The following TMEM45A variants were observed in gnomAD, a reference collection of about 807,000 sequenced individuals.
TMEM45A encodes the protein DNA polymerase-transactivated protein 4.
A neutral mutation model predicts 32.0 loss-of-function variants in TMEM45A; 25 were observed. The ratio of observed to expected loss-of-function variants is 0.78; its 90% CI spans 0.57 to 1.09. The LOEUF is 1.09. TMEM45A is among the 50% of genes least tolerant of loss of function. The pLI, the probability that TMEM45A is intolerant of heterozygous loss-of-function variation, is 0.00. For synonymous variants in TMEM45A, 122 were observed against 114.8 expected, an observed-to-expected ratio of 1.06 and a Z score of -0.40; for missense variants, 302 against 325.0, an observed-to-expected ratio of 0.93 and a Z score of 0.54.
At chr3:100,569,357 C>A (rs1443981684) in intron 5 of TMEM45A, among the ~76,000 whole-genome samples, 1 of 152,170 alleles carries the variant, frequency 6.6e-6, no homozygotes, top group Non-Finnish European at 1.5e-5. Context: ...AGCTTCGAGT[C>A]CTTTTTTGAC....
chr3:100,545,979 C>G (rs148489496), intron 1 of TMEM45A, among the ~76,000 whole-genome samples: 1,536 of 152,272 alleles, frequency 0.01, 25 homozygotes, highest in African/African-American at 0.036. Context: ...CTGGTGGACT[C>G]AGTCTAATCA....
chr3:100,572,765 A>C (rs1377956554), intron 5 of TMEM45A: 1 of 150,788 alleles, frequency 6.6e-6, no homozygotes, highest in African/African-American at 2.4e-5. Flanking sequence ...TCCATCTTGA[A>C]TTAATTTTTG....
rs538724332 is a variant in TMEM45A at position 100,564,509 on chromosome 3, T to C, written c.589-4313T>C. Among the ~76,000 whole-genome samples, 9 of 150,964 alleles carry C rather than the reference T, an allele frequency of 6.0e-5. No individual in the cohort carries two copies. The South Asian group carries it at 1.9e-3, about 32-fold the overall frequency. On this transcript the variant is annotated intron_variant, in intron 4 of 5. Transcript: ENST00000323523. ...TTTTTCCTTTGAGACAGAGTCTCAC[T>C]CTGTGGCCCAGGCTGTGGGCCAGGA...
chr3:100,520,798 C>G (rs1464046089), intron 1 of TMEM45A, among the ~76,000 whole-genome samples: 5 of 152,178 alleles, frequency 3.3e-5, no homozygotes, highest in Admixed American at 1.3e-4. Context: ...AGGAGAGTGT[C>G]TCATCACCAA....
intron 1 of TMEM45A, among the ~76,000 whole-genome samples, chr3:100,531,816 G>A (rs768393751): frequency 5.9e-5 from 9 of 152,174 alleles, no homozygotes; most frequent in East Asian, 1.9e-4. Context: ...TGATGCTGGC[G>A]ATTTATTTTA....
At chr3:100,502,465 G>A (rs553404376) in intron 1 of TMEM45A, among the ~76,000 whole-genome samples, 3 of 152,118 alleles carry the variant, frequency 2.0e-5, no homozygotes, top group African/African-American at 7.2e-5. Context: ...TGTATCTATC[G>A]ATCTATCAAT....
chr3:100,540,991 GTTTATTTGAC>G (rs1023590881), intron 1 of TMEM45A, among the ~76,000 whole-genome samples: 1 of 152,124 alleles, frequency 6.6e-6, no homozygotes, highest in Admixed American at 6.5e-5. Context: ...AGCATCTGTT[GTTTATTTGAC>G]TTTAATAATA....
intron 1 of TMEM45A, among the ~76,000 whole-genome samples, chr3:100,529,859 C>T (rs1467066636): frequency 6.6e-6 from 1 of 152,062 alleles, no homozygotes; most frequent in Non-Finnish European, 1.5e-5. Flanking sequence ...CTCAAGTGAT[C>T]CACATGCCTC....
chr3:100,500,242 A>C (rs59771628), intron 1 of TMEM45A, among the ~76,000 whole-genome samples: 65,562 of 151,982 alleles, frequency 0.43, 14,416 homozygotes, highest in Middle Eastern at 0.47. Context: ...TGCATTGTTC[A>C]GACCTTGTTT....
chr3:100,558,301 A>G, intron 3 of TMEM45A, 104 bp from the exon 4 acceptor site: 1 of 1,403,204 alleles, frequency 7.1e-7, no homozygotes, highest in Non-Finnish European at 9.8e-7. Context: ...CTTTTGGACA[A>G]ATGTGTGTAT....
intron 5 of TMEM45A, among the ~76,000 whole-genome samples, chr3:100,575,579 C>A (rs1706667456): frequency 6.6e-6 from 1 of 152,048 alleles, no homozygotes; most frequent in Admixed American, 6.5e-5. Flanking sequence ...GCCATGTTGG[C>A]CAGTCTGGTC....
chr3:100,518,383 G>T lies in TMEM45A; in HGVS notation c.-4+25455G>T, dbSNP rs144496861. 5.1e-3 allele frequency among the ~76,000 whole-genome samples: 771 copies of T among 152,274 alleles called. 9 individuals are homozygous for T. Among genetic ancestry groups the T allele is most frequent in the African/African-American group, 0.018 (739 of 41,560 alleles). On this transcript the variant is annotated intron_variant, in intron 1 of 5. Coordinates refer to ENST00000323523, the MANE Select transcript of TMEM45A (RefSeq NM_018004.3). ...TTTAATCTCCTTTAACAGAAGGTTT[G>T]CAGAGGTCTCTTTTCTTCTTCTAGT...
chr3:100,500,681 A>G (rs1353354790), intron 1 of TMEM45A, among the ~76,000 whole-genome samples: 1 of 152,218 alleles, frequency 6.6e-6, no homozygotes, highest in Non-Finnish European at 1.5e-5. Context: ...CTCTGGTGCC[A>G]TCAACAATCT....
intron 5 of TMEM45A, among the ~76,000 whole-genome samples, chr3:100,569,204 C>T (rs1047978409): frequency 6.6e-6 from 1 of 152,192 alleles, no homozygotes; most frequent in African/African-American, 2.4e-5. Flanking sequence ...TCACATTTCC[C>T]TTCATCACAC....
At chr3:100,514,651 G>C (rs897521684) in intron 1 of TMEM45A, among the ~76,000 whole-genome samples, 31 of 152,206 alleles carry the variant, frequency 2.0e-4, no homozygotes, top group African/African-American at 5.1e-4. Context: ...TAAAGAGCTT[G>C]TGCACAGCAA....
intron 2 of TMEM45A, among the ~76,000 whole-genome samples, chr3:100,556,512 T>C (rs904497876): frequency 8.5e-5 from 13 of 152,368 alleles, no homozygotes; most frequent in Middle Eastern, 3.4e-3. Context: ...ATCATTGGCA[T>C]TGAAGATCTG....
At chr3:100,498,338 T>A (rs2148923957) in intron 1 of TMEM45A, among the ~76,000 whole-genome samples, 1 of 152,314 alleles carries the variant, frequency 6.6e-6, no homozygotes, top group Non-Finnish European at 1.5e-5. Flanking sequence ...ATCAGTAGAC[T>A]TTGAGTATGG....
Position 100,513,239 on chromosome 3 carries a change from A to T in TMEM45A, c.-4+20311A>T, listed in dbSNP as rs1306891039. Among the ~76,000 whole-genome samples the T allele has an allele frequency of 2.0e-5, 3 of 151,962 alleles. No homozygotes were observed. In the East Asian group the frequency reaches 5.8e-4, roughly 29 times the overall value. On this transcript the variant is annotated intron_variant, in intron 1 of 5. Transcript: ENST00000323523. ...CAAAAATCCTCAATAAAATACTGGC[A>T]AACCGAATCCAGCAGCACATCTAAA...
At chr3:100,557,238 T>A (rs1706240073) in intron 3 of TMEM45A, among the ~76,000 whole-genome samples, 1 of 152,250 alleles carries the variant, frequency 6.6e-6, no homozygotes, top group Non-Finnish European at 1.5e-5. Context: ...TTACAAAGGT[T>A]ACTCATCTCT....
Sources: gnomAD v4.1 joint callset for allele counts (sites outside exome capture counted in the v4.1 genomes callset) on GRCh38, gnomAD v4.1.1 for gene constraint, MANE v1.5 for transcripts, NCBI Gene and HGNC (gene_info 2026-07-23, HGNC 2026-07-21) for gene names.